The following SLC39A14 variants were observed in gnomAD, a reference collection of about 807,000 sequenced individuals.
The protein encoded by SLC39A14 is metal cation symporter ZIP14.
A neutral mutation model predicts 45.5 loss-of-function variants in SLC39A14; 19 were observed. The ratio of observed to expected loss-of-function variants is 0.42; its 90% confidence interval spans 0.29 to 0.61. The LOEUF is 0.61. Ranked by LOEUF, SLC39A14 falls within the 20% of genes least tolerant of loss-of-function variation. SLC39A14 has a pLI of 0.22. For missense variants in SLC39A14, 447 were observed against 616.5 expected (o/e 0.73, Z 2.91); for synonymous variants, 264 against 251.3 (o/e 1.05, Z -0.48).
At chr8:22,416,446 A>G (rs1261983794) in intron 7 of SLC39A14, among the ~76,000 whole-genome samples, 166 bp downstream of exon 7, 7 of 151,818 alleles carry the variant, frequency 4.6e-5, no homozygotes, top group African/African-American at 1.7e-4. Context: ...TTTTTTGGAG[A>G]CGGAGTCTCG....
chr8:22,400,361 C>T (rs1834786485), intron 1 of SLC39A14, among the ~76,000 whole-genome samples: 1 of 152,216 alleles, frequency 6.6e-6, no homozygotes, highest in Non-Finnish European at 1.5e-5. Flanking sequence ...TTAGCAAGGT[C>T]TGCAATCGGT....
At chr8:22,377,378 G>A (rs751188548) in intron 1 of SLC39A14, among the ~76,000 whole-genome samples, 6 of 151,952 alleles carry the variant, frequency 3.9e-5, no homozygotes, top group Admixed American at 1.3e-4. Context: ...ACTTCTCCAC[G>A]GAGTCCTGCT....
chr8:22,417,697 T>C lies in SLC39A14; in HGVS notation c.1194T>C (p.Ala398=). 6.2e-7 allele frequency: 1 copy of C among 1,614,124 alleles called. No homozygotes were observed. The highest frequency in any genetic ancestry group is 8.5e-7 in the Non-Finnish European group (1 of 1,180,024). ...ACGCTGGGATGAGCATCCAACAAGCTCTCTTCTTCAACTTCCTTTCTGCCT... is the reference window on the plus strand; with the variant it reads ...ACGCTGGGATGAGCATCCAACAAGCCCTCTTCTTCAACTTCCTTTCTGCCT... ...LLNAGMSIQQ[A]LFFNFLSACC... Residue 398 remains alanine, a synonymous_variant, in exon 8 of 9, where the codon GCT becomes GCC. Coordinates refer to ENST00000381237, the MANE Select transcript of SLC39A14 (RefSeq NM_001128431.4).
chr8:22,394,455 T>G (rs932565871), intron 1 of SLC39A14, among the ~76,000 whole-genome samples: 14 of 151,434 alleles, frequency 9.2e-5, no homozygotes, highest in African/African-American at 3.2e-4. Context: ...AAGTAGCTGG[T>G]ACTACAGGCG....
intron 1 of SLC39A14, chr8:22,398,647 C>T (rs7846492): frequency 1.1e-6 from 1 of 885,364 alleles, no homozygotes; most frequent in South Asian, 5.2e-5. Flanking sequence ...ACCTCTAGAC[C>T]CAGCGTCACA....
At chr8:22,416,353 C>G (rs1835881820) in intron 7 of SLC39A14, 73 bp downstream of exon 7, 12 of 1,278,916 alleles carry the variant, frequency 9.4e-6, no homozygotes, top group Non-Finnish European at 1.4e-5. Context: ...TGGCCGGTTC[C>G]TTGCTCCCAT....
At chr8:22,390,380 A>G (rs969259562) in intron 1 of SLC39A14, 1 of 149,692 alleles carries the variant, frequency 6.7e-6, no homozygotes, top group Non-Finnish European at 1.5e-5. Flanking sequence ...ATCTTGGCCC[A>G]CTGCAACCTC....
chr8:22,380,846 A>G (rs1279580809), intron 1 of SLC39A14, among the ~76,000 whole-genome samples: 1 of 150,692 alleles, frequency 6.6e-6, no homozygotes, highest in African/African-American at 2.4e-5. Context: ...CAAGCTAATT[A>G]TTGTATTTTT....
chr8:22,430,476 C>G (rs140501400), intron 8 of SLC39A14, among the ~76,000 whole-genome samples: 45 of 152,232 alleles, frequency 3.0e-4, no homozygotes, highest in African/African-American at 9.9e-4. Context: ...TGACAGGATA[C>G]AGTGTGTGGA....
At chr8:22,375,735 G>A (rs190291831) in intron 1 of SLC39A14, among the ~76,000 whole-genome samples, 36 of 152,204 alleles carry the variant, frequency 2.4e-4, no homozygotes, top group South Asian at 4.1e-4. Context: ...TGATCTACCC[G>A]CCTTGGCTTA....
At chr8:22,425,433 G>C (rs1836367306), downstream of SLC39A14, among the ~76,000 whole-genome samples, 1 of 152,050 alleles carries the variant, frequency 6.6e-6, no homozygotes, top group Admixed American at 6.5e-5. Flanking sequence ...ATTGGATTTG[G>C]GCAAAACCCA....
At chr8:22,396,413 G>GAGA (rs1563532912) in intron 1 of SLC39A14, among the ~76,000 whole-genome samples, 1 of 878 alleles carries the variant, frequency 1.1e-3, no homozygotes, top group Non-Finnish European at 1.7e-3. Context: ...GAGAGAGAGA[G>GAGA]GGGGGGGGGA....
downstream of SLC39A14, among the ~76,000 whole-genome samples, chr8:22,425,699 G>C (rs528044580): frequency 6.6e-6 from 1 of 152,076 alleles, no homozygotes; most frequent in East Asian, 1.9e-4. Flanking sequence ...GGAGTTTTTT[G>C]TTTTTGTTTT....
At chr8:22,430,926 G>A (rs1234947777) in intron 8 of SLC39A14, among the ~76,000 whole-genome samples, 1 of 151,774 alleles carries the variant, frequency 6.6e-6, no homozygotes, top group East Asian at 1.9e-4. Flanking sequence ...GCCCATCTCG[G>A]CCTCCCAAAG....
At chr8:22,387,505 G>T (rs1054048582) in intron 1 of SLC39A14, among the ~76,000 whole-genome samples, 1 of 152,176 alleles carries the variant, frequency 6.6e-6, no homozygotes, top group Non-Finnish European at 1.5e-5. Flanking sequence ...GGACGTGGAG[G>T]AGTGAAAGGG....
At chr8:22,404,145 C>T (rs555279808) in intron 1 of SLC39A14, among the ~76,000 whole-genome samples, 1 of 152,194 alleles carries the variant, frequency 6.6e-6, no homozygotes, top group East Asian at 1.9e-4. Context: ...CATAACTGGC[C>T]GGGTGCAGTG....
chr8:22,418,923 G>A (rs1250240764), intron 8 of SLC39A14, among the ~76,000 whole-genome samples: 1 of 152,144 alleles, frequency 6.6e-6, no homozygotes, highest in Non-Finnish European at 1.5e-5. Context: ...GAGCTACTCA[G>A]GAGGCTGAAG....
chr8:22,383,013 CGGTG>C (rs1833600131), intron 1 of SLC39A14, among the ~76,000 whole-genome samples: 4 of 152,022 alleles, frequency 2.6e-5, no homozygotes, highest in Non-Finnish European at 5.9e-5. Context: ...TCACCGCGGC[CGGTG>C]GCGGTGTTTT....
chr8:22,393,150 C>A, intron 1 of SLC39A14: 13 of 973,104 alleles, frequency 1.3e-5, no homozygotes, highest in Non-Finnish European at 1.6e-5. Flanking sequence ...AATTTCCCAC[C>A]CTGGGTGCGC....
Sources: allele counts gnomAD v4.1 joint callset (sites outside exome capture counted in the v4.1 genomes callset), GRCh38; gene constraint gnomAD v4.1.1; transcripts MANE v1.5; gene names NCBI Gene and HGNC (gene_info 2026-07-23, HGNC 2026-07-21).